The following CENPP variants were observed in gnomAD, a reference collection of about 807,000 sequenced individuals.
The protein encoded by CENPP is centromere protein P.
A neutral mutation model predicts 35.6 loss-of-function variants in CENPP; 24 were observed. That is an observed-to-expected ratio of 0.67 (90% CI 0.49 to 0.95). The LOEUF is 0.95. Among genes scored for constraint, CENPP ranks in the 40% least tolerant of loss-of-function variants. The probability of loss-of-function intolerance (pLI) is 0.00; values close to 1 mark genes in which losing one functional copy is unlikely to be tolerated. For synonymous variants in CENPP, 120 were observed against 125.5 expected (o/e 0.96, Z 0.29); for missense variants, 332 against 345.3 (o/e 0.96, Z 0.31).
intron 5 of CENPP, among the ~76,000 whole-genome samples, chr9:92,606,140 T>C (rs991687271): frequency 2.0e-5 from 3 of 152,104 alleles, no homozygotes; most frequent in Non-Finnish European, 4.4e-5. Flanking sequence ...CATGTGCCTG[T>C]AGTCCCAGCT....
intron 5 of CENPP, among the ~76,000 whole-genome samples, chr9:92,455,962 T>C (rs1844864924): frequency 6.6e-6 from 1 of 152,022 alleles, no homozygotes; most frequent in African/African-American, 2.4e-5. Context: ...TCCCAGCTAT[T>C]TGGGAGGCTG....
intron 5 of CENPP, among the ~76,000 whole-genome samples, chr9:92,394,838 C>T (rs1261664392): frequency 2.0e-5 from 3 of 151,970 alleles, no homozygotes; most frequent in Non-Finnish European, 4.4e-5. Flanking sequence ...AACTCCTGAC[C>T]TCAGGTGATC....
At chr9:92,432,944 A>G (rs960060917) in intron 5 of CENPP, among the ~76,000 whole-genome samples, 1 of 151,760 alleles carries the variant, frequency 6.6e-6, no homozygotes, top group Admixed American at 6.6e-5. Context: ...CAGGAAAAAG[A>G]TACAAAAAAA....
At chr9:92,477,904 G>T (rs1298988795) in intron 5 of CENPP, among the ~76,000 whole-genome samples, 1 of 152,168 alleles carries the variant, frequency 6.6e-6, no homozygotes, top group Admixed American at 6.5e-5. Flanking sequence ...AGGAACAGGG[G>T]TGTAGGGCTT....
intron 5 of CENPP, among the ~76,000 whole-genome samples, chr9:92,506,618 G>A (rs1295868258): frequency 6.6e-6 from 1 of 152,226 alleles, no homozygotes; most frequent in Non-Finnish European, 1.5e-5. Flanking sequence ...CAACAGCAAA[G>A]ACGGTTGCAT....
At chr9:92,555,003 TTTGTTGTTG>T (rs57027847) in intron 5 of CENPP, among the ~76,000 whole-genome samples, 3,062 of 149,812 alleles carry the variant, frequency 0.02, 95 homozygotes, top group African/African-American at 0.06. Flanking sequence ...GTCTGTATTG[TTTGTTGTTG>T]TTGTTGTTGT....
intron 7 of CENPP, 73 bp downstream of exon 7, chr9:92,612,687 G>T: frequency 9.5e-7 from 1 of 1,051,876 alleles, no homozygotes; most frequent in Non-Finnish European, 1.5e-6. Flanking sequence ...TGTTTCCTCT[G>T]GGTTTCAAAG....
intron 5 of CENPP, among the ~76,000 whole-genome samples, chr9:92,408,654 G>T (rs926146364): frequency 6.6e-6 from 1 of 151,950 alleles, no homozygotes; most frequent in South Asian, 2.1e-4. Context: ...CTCTGTTGTG[G>T]GGGCTGTCCT....
intron 5 of CENPP, among the ~76,000 whole-genome samples, chr9:92,552,412 A>G (rs921844640): frequency 3.3e-5 from 5 of 152,198 alleles, no homozygotes; most frequent in Non-Finnish European, 7.4e-5. Flanking sequence ...TCTTTAAGGA[A>G]TCTCTACACT....
chr9:92,598,331 C>T (rs1465469795), intron 5 of CENPP, among the ~76,000 whole-genome samples: 1 of 152,186 alleles, frequency 6.6e-6, no homozygotes, highest in African/African-American at 2.4e-5. Context: ...TCCCCACAAC[C>T]CCAGCACAGT....
At chr9:92,416,646 G>T (rs2130958958) in intron 5 of CENPP, 1 of 1,593,882 alleles carries the variant, frequency 6.3e-7, no homozygotes, top group Non-Finnish European at 8.6e-7. Flanking sequence ...TGTAGGTATA[G>T]GTGTTCCAAA....
At position 92,474,591 on chromosome 9, in the gene CENPP, A is replaced by G. The variant is rs772930777; in HGVS notation, c.564+94732A>G. The G allele has an allele frequency of 1.4e-5, 22 of 1,586,786 alleles. No individual in the cohort carries two copies. The East Asian group carries it at 2.9e-4, about 21-fold the overall frequency. ...TTTAAATTGTCAGAATAGCATTACT[A>G]TTCTTCAAAACAAAATCGACTTATA... On this transcript the variant is annotated intron_variant, in intron 5 of 7. Coordinates refer to ENST00000375587, the MANE Select transcript of CENPP (RefSeq NM_001012267.3).
At chr9:92,554,656 G>A (rs1025531856) in intron 5 of CENPP, among the ~76,000 whole-genome samples, 3 of 151,484 alleles carry the variant, frequency 2.0e-5, no homozygotes, top group East Asian at 2.0e-4. Flanking sequence ...TGTTTTTTCC[G>A]AGATGGAGTC....
chr9:92,372,428 G>T (rs916277217), intron 4 of CENPP, among the ~76,000 whole-genome samples: 3 of 151,824 alleles, frequency 2.0e-5, no homozygotes, highest in Non-Finnish European at 4.4e-5. Flanking sequence ...TATATTCTTT[G>T]TTCCTGTCTT....
At chr9:92,391,636 C>G (rs890282137) in intron 5 of CENPP, among the ~76,000 whole-genome samples, 1 of 151,968 alleles carries the variant, frequency 6.6e-6, no homozygotes, top group African/African-American at 2.4e-5. Flanking sequence ...AATCAATAAA[C>G]AGCAAAATCA....
At chr9:92,567,408 A>AGATAT in intron 5 of CENPP, among the ~76,000 whole-genome samples, 1 of 147,604 alleles carries the variant, frequency 6.8e-6, no homozygotes, top group South Asian at 2.1e-4. Flanking sequence ...ATATATATAT[A>AGATAT]AAGTGGTTAG....
intron 5 of CENPP, chr9:92,459,655 A>G: frequency 3.7e-6 from 6 of 1,613,092 alleles, no homozygotes; most frequent in Non-Finnish European, 5.1e-6. Context: ...AACTCTGGTA[A>G]TCCTGAAGGG....
intron 4 of CENPP, among the ~76,000 whole-genome samples, chr9:92,377,898 G>T (rs1268775982): frequency 6.7e-6 from 1 of 149,512 alleles, no homozygotes; most frequent in South Asian, 2.1e-4. Flanking sequence ...TTATGTAGGG[G>T]TTATTTAGGA....
In CENPP at chr9:92,598,346, C is replaced by T. The variant is rs75752503; in HGVS notation, c.565-12968C>T. On this transcript the variant is annotated intron_variant, in intron 5 of 7. Coordinates refer to ENST00000375587, the MANE Select transcript of CENPP (RefSeq NM_001012267.3). Reference sequence around the variant, plus strand: ...TCCCCACAACCCCAGCACAGTAGTCCTTGCTCCTCTGAGCTTTCTATAATC... The same window carrying T: ...TCCCCACAACCCCAGCACAGTAGTCTTTGCTCCTCTGAGCTTTCTATAATC... Among the ~76,000 whole-genome samples the T allele has an allele frequency of 7.4e-3, 1,134 of 152,336 alleles. 10 individuals are homozygous for T. Among genetic ancestry groups the T allele is most frequent in the African/African-American group, 0.023 (963 of 41,576 alleles).
Sources: allele counts gnomAD v4.1 joint callset (sites outside exome capture counted in the v4.1 genomes callset), GRCh38; gene constraint gnomAD v4.1.1; transcripts MANE v1.5; gene names NCBI Gene and HGNC (gene_info 2026-07-23, HGNC 2026-07-21).